The following NALF1 variants were observed in gnomAD, a reference collection of about 807,000 sequenced individuals.
NALF1 encodes NALCN channel auxiliary factor 1, also known as family with sequence similarity 155 member A.
In NALF1, 3 loss-of-function variants were observed where a neutral mutation model predicts 48.4. The ratio of observed to expected loss-of-function variants is 0.06; its 90% confidence interval spans 0.03 to 0.16. The LOEUF is 0.16. Ranked by LOEUF, NALF1 falls within the 10% of genes least tolerant of loss-of-function variation. The pLI is 1.00. For missense variants in NALF1, 526 were observed against 571.5 expected, an observed-to-expected ratio of 0.92 and a Z score of 0.81; for synonymous variants, 262 against 245.7, an observed-to-expected ratio of 1.07 and a Z score of -0.62.
chr13:107,276,852 G>C (rs1881291560), intron 1 of NALF1, among the ~76,000 whole-genome samples: 2 of 152,004 alleles, frequency 1.3e-5, no homozygotes, highest in South Asian at 2.1e-4. Flanking sequence ...TTTTAACTTA[G>C]CTAATATAAG....
intron 1 of NALF1, among the ~76,000 whole-genome samples, chr13:107,264,905 G>C (rs1362927638): frequency 1.3e-5 from 2 of 152,144 alleles, no homozygotes; most frequent in Non-Finnish European, 2.9e-5. Context: ...TGGATATTCA[G>C]GTAGTTCCTG....
intron 1 of NALF1, among the ~76,000 whole-genome samples, chr13:107,669,420 T>TA (rs1414987112): frequency 2.0e-5 from 3 of 151,918 alleles, no homozygotes; most frequent in Non-Finnish European, 4.4e-5. Flanking sequence ...TTCATCCAAA[T>TA]AAAAAAACGG....
rs143415099 is a variant in NALF1, at chr13:107,613,831, T to C, written c.915+251851A>G. ...GAAATAAAAATTTTATCCTATTTCT[T>C]ATTGGGCAGAAAATGGAGAACAAGA... On this transcript the variant is annotated intron_variant, in intron 1 of 2. Transcript: ENST00000375915. Among the ~76,000 whole-genome samples the C allele has an allele frequency of 1.1e-3, 169 of 152,316 alleles. 1 individual carries two copies. Among genetic ancestry groups the C allele is most frequent in the African/African-American group, 3.8e-3 (159 of 41,572 alleles).
intron 1 of NALF1, among the ~76,000 whole-genome samples, chr13:107,544,154 A>T (rs940099859): frequency 3.6e-4 from 55 of 152,178 alleles, no homozygotes; most frequent in African/African-American, 1.3e-3. Context: ...TATGCAGAGC[A>T]ATCTAAATTA....
chr13:107,694,863 G>A (rs937900171), intron 1 of NALF1, among the ~76,000 whole-genome samples: 1 of 151,714 alleles, frequency 6.6e-6, no homozygotes, highest in Non-Finnish European at 1.5e-5. Flanking sequence ...CACAATCTAG[G>A]TTCACTGTAA....
At chr13:107,507,123 A>T (rs1875721446) in intron 1 of NALF1, among the ~76,000 whole-genome samples, 1 of 152,134 alleles carries the variant, frequency 6.6e-6, no homozygotes, top group Non-Finnish European at 1.5e-5. Flanking sequence ...TCTTCATTCA[A>T]CATTGAATGG....
chr13:107,734,294 C>T lies in NALF1; in HGVS notation c.915+131388G>A, dbSNP rs578204408. ...ATGCACCTCATGCGGTGGTATCAGC[C>T]GGTATTAGCCAATGAATTCTACAAT... On this transcript the variant is annotated intron_variant, in intron 1 of 2. Coordinates refer to ENST00000375915, the MANE Select transcript of NALF1 (RefSeq NM_001080396.3). 1.1e-4 allele frequency among the ~76,000 whole-genome samples: 17 copies of T among 151,918 alleles called. 1 individual carries two copies. Among genetic ancestry groups the T allele is most frequent in the Middle Eastern group, 6.8e-3 (2 of 294 alleles).
chr13:107,279,160 T>A (rs1881339888), intron 1 of NALF1, among the ~76,000 whole-genome samples: 1 of 151,896 alleles, frequency 6.6e-6, no homozygotes, highest in African/African-American at 2.4e-5. Flanking sequence ...AATTTTCTTC[T>A]CCTTTTCTCA....
At position 107,704,433 on chromosome 13, in the gene NALF1, T is replaced by C. The variant is rs1881898340; in HGVS notation, c.915+161249A>G. Among the ~76,000 whole-genome samples the C allele has an allele frequency of 2.0e-5, 3 of 152,178 alleles. No individual in the cohort carries two copies. In the South Asian group the frequency reaches 6.2e-4, roughly 32 times the overall value. On this transcript the variant is annotated intron_variant, in intron 1 of 2. Transcript: ENST00000375915. ...TCTATCTCTTTGAATTCATTATATT[T>C]TTGAAAAATTTCCTCAAATTTAGAT...
At chr13:107,333,195 T>C (rs1252164325) in intron 1 of NALF1, among the ~76,000 whole-genome samples, 1 of 152,108 alleles carries the variant, frequency 6.6e-6, no homozygotes, top group Non-Finnish European at 1.5e-5. Flanking sequence ...TGATTCAATA[T>C]ATAATGTTGA....
intron 2 of NALF1, among the ~76,000 whole-genome samples, chr13:107,195,303 G>A (rs965620398): frequency 1.3e-5 from 2 of 152,116 alleles, no homozygotes; most frequent in African/African-American, 2.4e-5. Flanking sequence ...TGTCTTTCCA[G>A]GACTCTGCTT....
At position 107,644,602 on chromosome 13, in the gene NALF1, A is replaced by G. The variant is rs188468735; in HGVS notation, c.915+221080T>C. On this transcript the variant is annotated intron_variant, in intron 1 of 2. Transcript: ENST00000375915. ...CAGGACAGAAAAAAATACCTTTAAA[A>G]AAGACATTTAGAGTGTGTGTGTGTA... Among the ~76,000 whole-genome samples the G allele has an allele frequency of 1.1e-3, 156 of 136,910 alleles. 1 individual carries two copies. The highest frequency in any genetic ancestry group is 1.7e-3 in the Non-Finnish European group (109 of 63,396). 89.8% of individuals were successfully genotyped at this position (136,910 alleles called of 152,430 possible). A position where few individuals can be genotyped will look rare whatever the true frequency, so the allele number is the denominator to read the frequency against.
At chr13:107,794,266 C>T (rs1243001773) in intron 1 of NALF1, among the ~76,000 whole-genome samples, 2 of 152,238 alleles carry the variant, frequency 1.3e-5, no homozygotes, top group Middle Eastern at 6.8e-3. Context: ...CCCCTGGTTA[C>T]GTCTCTAACT....
At chr13:107,718,687 A>G (rs1025549961) in intron 1 of NALF1, among the ~76,000 whole-genome samples, 1 of 152,120 alleles carries the variant, frequency 6.6e-6, no homozygotes. Flanking sequence ...TGTAGATCCA[A>G]CTCTGGGTTT....
intron 1 of NALF1, among the ~76,000 whole-genome samples, chr13:107,440,740 C>T (rs183992652): frequency 6.6e-6 from 1 of 152,134 alleles, no homozygotes; most frequent in Non-Finnish European, 1.5e-5. Flanking sequence ...GTGAACTAAC[C>T]GAATTCTCCA....
intron 1 of NALF1, among the ~76,000 whole-genome samples, chr13:107,497,092 T>C (rs1294468846): frequency 6.6e-6 from 1 of 152,188 alleles, no homozygotes; most frequent in Non-Finnish European, 1.5e-5. Context: ...TTTTAAAGTT[T>C]TCTTTTTAAA....
At chr13:107,280,927 T>C (rs1183833396) in intron 1 of NALF1, among the ~76,000 whole-genome samples, 1 of 152,230 alleles carries the variant, frequency 6.6e-6, no homozygotes, top group African/African-American at 2.4e-5. Flanking sequence ...TATCCCTTTG[T>C]ATTACAGTTT....
intron 1 of NALF1, among the ~76,000 whole-genome samples, chr13:107,595,253 G>A (rs1452738742): frequency 1.3e-5 from 2 of 151,946 alleles, no homozygotes; most frequent in Non-Finnish European, 2.9e-5. Flanking sequence ...CTAATTAATT[G>A]GAGTCTATCT....
At chr13:107,335,692 G>A (rs971075806) in intron 1 of NALF1, among the ~76,000 whole-genome samples, 2 of 152,138 alleles carry the variant, frequency 1.3e-5, no homozygotes, top group Non-Finnish European at 2.9e-5. Flanking sequence ...ATAATGTACT[G>A]TTTTTGATTC....
Sources: gnomAD v4.1 joint callset for allele counts (sites outside exome capture counted in the v4.1 genomes callset) on GRCh38, gnomAD v4.1.1 for gene constraint, MANE v1.5 for transcripts, NCBI Gene and HGNC (gene_info 2026-07-23, HGNC 2026-07-21) for gene names.